The following NRXN1 variants were observed in gnomAD, a reference collection of about 807,000 sequenced individuals.
NRXN1 encodes neurexin-1.
Under a neutral mutation model 150.9 loss-of-function variants are expected in NRXN1, and 39 were observed. The observed-to-expected ratio is 0.26, with a 90% confidence interval of 0.20 to 0.34. The LOEUF is 0.34. Ranked by LOEUF, NRXN1 falls within the 10% of genes least tolerant of loss-of-function variation. The pLI, the probability that NRXN1 is intolerant of heterozygous loss-of-function variation, is 1.00. For synonymous variants in NRXN1, 924 were observed against 757.0 expected, an observed-to-expected ratio of 1.22 and a Z score of -3.62; for missense variants, 1,815 against 1,949.9, an observed-to-expected ratio of 0.93 and a Z score of 1.30.
intron 19 of NRXN1, among the ~76,000 whole-genome samples, chr2:50,061,815 C>A (rs138366260): frequency 6.6e-6 from 1 of 152,118 alleles, no homozygotes; most frequent in Non-Finnish European, 1.5e-5. Context: ...TCTGTTGGTA[C>A]CTTCACTGAA....
intron 5 of NRXN1, among the ~76,000 whole-genome samples, chr2:50,887,329 C>G (rs1226993295): frequency 6.6e-6 from 1 of 151,340 alleles, no homozygotes; most frequent in African/African-American, 2.4e-5. Flanking sequence ...TAAATATTTG[C>G]AAAAGGAATA....
intron 19 of NRXN1, among the ~76,000 whole-genome samples, chr2:50,066,608 T>A (rs1282237575): frequency 2.6e-5 from 4 of 152,168 alleles, no homozygotes; most frequent in Non-Finnish European, 4.4e-5. Flanking sequence ...CATCTATTTT[T>A]AAATAAATAG....
chr2:50,477,088 AGCACAATT>A (rs2104749898), intron 15 of NRXN1, among the ~76,000 whole-genome samples: 1 of 152,320 alleles, frequency 6.6e-6, no homozygotes, highest in African/African-American at 2.4e-5. Flanking sequence ...CACAGGGAAC[AGCACAATT>A]GTACCATGGA....
At chr2:50,846,472 T>C (rs2105953451) in intron 5 of NRXN1, among the ~76,000 whole-genome samples, 1 of 152,270 alleles carries the variant, frequency 6.6e-6, no homozygotes, top group East Asian at 1.9e-4. Context: ...TATATTTAGC[T>C]CATGCTACTG....
chr2:49,965,995 A>G (rs1676899852), intron 21 of NRXN1, among the ~76,000 whole-genome samples: 1 of 152,188 alleles, frequency 6.6e-6, no homozygotes. Context: ...TTTACACCAC[A>G]GTGTTCTTCT....
rs536184089 is a variant in NRXN1, at chr2:49,939,541, G to C, written c.4216+4163C>G. 2.6e-5 allele frequency among the ~76,000 whole-genome samples: 4 copies of C among 152,158 alleles called. No individual in the cohort carries two copies. In the South Asian group the frequency reaches 8.3e-4, roughly 32 times the overall value. Reference sequence around the variant, plus strand: ...TGCAGGACAGTGTGGCTAAAATCAAGTATAATTGAGTTCCATGTGTTCCCA... The same window carrying C: ...TGCAGGACAGTGTGGCTAAAATCAACTATAATTGAGTTCCATGTGTTCCCA... On this transcript the variant is annotated intron_variant, in intron 22 of 22. Coordinates refer to ENST00000401669, the MANE Select transcript of NRXN1 (RefSeq NM_001330078.2).
chr2:50,686,083 T>C (rs1395979759), intron 5 of NRXN1, among the ~76,000 whole-genome samples: 1 of 152,104 alleles, frequency 6.6e-6, no homozygotes, highest in East Asian at 1.9e-4. Flanking sequence ...TAGAAATACA[T>C]TTCTCCAGGT....
At chr2:50,186,611 C>T (rs1446788720) in intron 18 of NRXN1, among the ~76,000 whole-genome samples, 2 of 151,942 alleles carry the variant, frequency 1.3e-5, no homozygotes, top group Non-Finnish European at 2.9e-5. Flanking sequence ...CTTGATTTGG[C>T]CAGGTTCCTT....
At chr2:50,555,250 G>A (rs752028606) in intron 8 of NRXN1, among the ~76,000 whole-genome samples, 1 of 152,024 alleles carries the variant, frequency 6.6e-6, no homozygotes, top group South Asian at 2.1e-4. Flanking sequence ...TCTTATAATA[G>A]AACCACTGTA....
At chr2:50,036,053 C>T (rs571527248) in intron 21 of NRXN1, among the ~76,000 whole-genome samples, 4 of 152,196 alleles carry the variant, frequency 2.6e-5, no homozygotes, top group Non-Finnish European at 5.9e-5. Context: ...GGAAAATGCG[C>T]AGAATAGAAA....
chr2:50,296,881 C>CT lies in NRXN1; in HGVS notation c.3365-59912dup, dbSNP rs4032054. Among the ~76,000 whole-genome samples the CT allele has an allele frequency of 8.8e-3, 998 of 112,916 alleles. 17 individuals carry two copies. The highest frequency in any genetic ancestry group is 0.027 in the African/African-American group (893 of 32,520). The allele number at this position is 112,916 out of a possible 152,430, so 74.1% of individuals were successfully genotyped here. A position where few individuals can be genotyped will look rare whatever the true frequency, so the allele number is the denominator to read the frequency against. ...TGTAAAAGACACAGTTTCTTTCTTT[C>CT]TTTTTTTTTTTTTTTTTTTGAGATG... On this transcript the variant is annotated intron_variant, in intron 17 of 22. Transcript: ENST00000401669.
chr2:50,131,474 G>A (rs1254164368), intron 18 of NRXN1, among the ~76,000 whole-genome samples: 2 of 152,150 alleles, frequency 1.3e-5, no homozygotes, highest in Non-Finnish European at 2.9e-5. Flanking sequence ...AGGTTTAACT[G>A]TCATTAAGAT....
At chr2:50,542,278 T>A (rs2093409461) in intron 9 of NRXN1, among the ~76,000 whole-genome samples, 2 of 149,076 alleles carry the variant, frequency 1.3e-5, no homozygotes, top group Admixed American at 6.7e-5. Flanking sequence ...CAAAACTCCA[T>A]CAGAAAGAAA....
In NRXN1 at chr2:50,826,866, T is replaced by C. The variant is rs138606069; in HGVS notation, c.832+95003A>G. Among the ~76,000 whole-genome samples, 14 of 152,294 alleles carry C rather than the reference T, an allele frequency of 9.2e-5. 1 individual carries two copies. The East Asian group carries it at 2.7e-3, about 29-fold the overall frequency. On this transcript the variant is annotated intron_variant, in intron 5 of 22. Coordinates refer to ENST00000401669, the MANE Select transcript of NRXN1 (RefSeq NM_001330078.2). ...GAGATCAGGATTAGAGATATACATT[T>C]GGGATTCATCAGCATTTAGATGGCA...
chr2:50,230,735 T>C (rs1360916771), intron 18 of NRXN1, among the ~76,000 whole-genome samples: 1 of 152,022 alleles, frequency 6.6e-6, no homozygotes, highest in Non-Finnish European at 1.5e-5. Context: ...ACACTAAAGA[T>C]GATGACCAGT....
intron 5 of NRXN1, among the ~76,000 whole-genome samples, chr2:50,768,559 G>A (rs567231242): frequency 1.3e-4 from 20 of 151,718 alleles, no homozygotes; most frequent in African/African-American, 3.4e-4. Flanking sequence ...TGCCCATGTC[G>A]GCCTCCCAAA....
At chr2:50,643,142 G>T (rs538986068) in intron 5 of NRXN1, among the ~76,000 whole-genome samples, 41 of 151,722 alleles carry the variant, frequency 2.7e-4, no homozygotes, top group African/African-American at 8.7e-4. Flanking sequence ...ATGCATACAG[G>T]GCCTAAATAT....
intron 21 of NRXN1, among the ~76,000 whole-genome samples, chr2:50,026,168 A>C (rs1688246248): frequency 6.6e-6 from 1 of 152,158 alleles, no homozygotes; most frequent in Admixed American, 6.5e-5. Flanking sequence ...TACCATCCCA[A>C]GTCCGGACTC....
chr2:51,019,709 A>T (rs1669296420), intron 2 of NRXN1, among the ~76,000 whole-genome samples: 1 of 152,094 alleles, frequency 6.6e-6, no homozygotes, highest in Non-Finnish European at 1.5e-5. Context: ...TGGAAAACTT[A>T]CATTGCCTGA....
Sources: allele counts gnomAD v4.1 joint callset (sites outside exome capture counted in the v4.1 genomes callset), GRCh38; gene constraint gnomAD v4.1.1; transcripts MANE v1.5; gene names NCBI Gene and HGNC (gene_info 2026-07-23, HGNC 2026-07-21).